MYRF: variants seen among roughly 807,000 people sequenced by gnomAD.
MYRF encodes the protein myelin gene regulatory factor.
In MYRF, 16 loss-of-function variants were observed where a neutral mutation model predicts 126.3. The observed-to-expected ratio is 0.13, with a 90% CI of 0.09 to 0.19. MYRF has a LOEUF of 0.19. Among genes scored for constraint, MYRF ranks in the 10% least tolerant of loss-of-function variants. The pLI is 1.00. For synonymous variants in MYRF, 608 were observed against 635.3 expected (o/e 0.96, Z 0.65); for missense variants, 1,104 against 1,547.0 (o/e 0.71, Z 4.80).
chr11:61,786,001 G>C lies in MYRF; in HGVS notation c.3376-62G>C. ...GGCACAGTGTCAAGCAATGTCAGCA[G>C]GGAGTGCCATCTGCCCCGCACCCCC... On this transcript the variant is annotated intron_variant, in intron 26 of 26. Coordinates refer to ENST00000278836, the MANE Select transcript of MYRF (RefSeq NM_001127392.3). The surrounding 1 kb of genome is among the most constrained non-coding windows in gnomAD (Gnocchi z 4.5). 6.4e-7 allele frequency: 1 copy of C among 1,568,422 alleles called. No homozygotes were observed. The highest frequency in any genetic ancestry group is 8.8e-7 in the Non-Finnish European group (1 of 1,138,632).
At position 61,783,383 on chromosome 11, in the gene MYRF, AT is replaced by A. The variant is rs535894612; in HGVS notation, c.3017-114del. 5.3e-5 allele frequency: 43 copies of A among 806,990 alleles called. No individual in the cohort carries two copies. The South Asian group carries it at 5.5e-4, about 10-fold the overall frequency. 50.0% of individuals were successfully genotyped at this position (806,990 alleles called of 1,614,324 possible). On this transcript the variant is annotated intron_variant, in intron 22 of 26. Transcript: ENST00000278836. This position sits in a 1 kb window ranked among gnomAD's most constrained non-coding sequence, Gnocchi z 4.6. ...GGCCATTGTGGAGGTCTGGAAAAAAATAACCTGGAACTTATTCATACTAAGG... is the reference window on the plus strand; with the variant it reads ...GGCCATTGTGGAGGTCTGGAAAAAAAAACCTGGAACTTATTCATACTAAGG...
chr11:61,777,987 C>T lies in MYRF; in HGVS notation c.1903+142C>T, dbSNP rs1483050346. On this transcript the variant is annotated intron_variant, in intron 13 of 26. Coordinates refer to ENST00000278836, the MANE Select transcript of MYRF (RefSeq NM_001127392.3). This position sits in a 1 kb window ranked among gnomAD's most constrained non-coding sequence, Gnocchi z 8.8. ...TGGGAATCATGCCTTCTAGAAGTCC[C>T]GCCCCTCGGACCTTGGAAAATCGCA... The T allele has an allele frequency of 2.2e-5, 15 of 689,864 alleles. No individual in the cohort carries two copies. The highest frequency in any genetic ancestry group is 7.9e-5 in the Admixed American group (3 of 37,984). 42.7% of individuals were successfully genotyped at this position (689,864 alleles called of 1,614,324 possible).
Position 61,778,564 on chromosome 11 carries a change from A to G in MYRF, c.2013+75A>G. 1.9e-6 allele frequency: 2 copies of G among 1,073,356 alleles called. No homozygotes were observed. The highest frequency in any genetic ancestry group is 2.5e-5 in the South Asian group (2 of 79,524). The allele number at this position is 1,073,356 out of a possible 1,614,324, so 66.5% of individuals were successfully genotyped here. On this transcript the variant is annotated intron_variant, in intron 14 of 26. Transcript: ENST00000278836. This position sits in a 1 kb window ranked among gnomAD's most constrained non-coding sequence, Gnocchi z 4.6. ...GCTGGGGAACACTCATCACCTCCAT[A>G]GATACTGGGGGCACTGCAAAGCAGA...
At position 61,752,807 on chromosome 11, in the gene MYRF, T is replaced by C. The variant is rs908985368; in HGVS notation, c.46+17T>C. 31 of 1,485,366 alleles carry C rather than the reference T, an allele frequency of 2.1e-5. 1 individual carries two copies. The highest frequency in any genetic ancestry group is 2.5e-5 in the Non-Finnish European group (28 of 1,123,746). The allele number at this position is 1,485,366 out of a possible 1,614,324, so 92.0% of individuals were successfully genotyped here. A position where few individuals can be genotyped will look rare whatever the true frequency, so the allele number is the denominator to read the frequency against. On this transcript the variant is annotated intron_variant, in intron 1 of 26. Transcript: ENST00000278836. ...TCTTCGAAGGTGAGAGACCGCGGGC[T>C]GGCGGCGGCGACCCTCTGGCGCTGG...
chr11:61,767,833 AAAG>A (rs2066107773), intron 3 of MYRF, among the ~76,000 whole-genome samples: 1 of 150,490 alleles, frequency 6.6e-6, no homozygotes, highest in Non-Finnish European at 1.5e-5. Flanking sequence ...AAAAAAAAAA[AAAG>A]GCCAGGTGCG....
chr11:61,769,237 GC>G, intron 3 of MYRF, 22 bp from the exon 4 acceptor site: 1 of 1,529,376 alleles, frequency 6.5e-7, no homozygotes, highest in Non-Finnish European at 8.9e-7. Flanking sequence ...TCACCCCCCG[GC>G]CCCTTCCCCT....
At position 61,779,177 on chromosome 11, in the gene MYRF, C is replaced by A. The variant is rs1039255686; in HGVS notation, c.2014-86C>A. On this transcript the variant is annotated intron_variant, in intron 14 of 26. Coordinates refer to ENST00000278836, the MANE Select transcript of MYRF (RefSeq NM_001127392.3). ...CAAGGACAGTGGCCGCCCCTCCTGC[C>A]CCCTGATGTCTGGCAGCCTGGGGCT... 10 of 1,413,804 alleles carry A rather than the reference C, an allele frequency of 7.1e-6. No individual in the cohort carries two copies. The African/African-American group carries it at 1.4e-4, about 20-fold the overall frequency. The allele number at this position is 1,413,804 out of a possible 1,614,324, so 87.6% of individuals were successfully genotyped here.
chr11:61,787,219 A>T lies in MYRF; in HGVS notation c.*1076A>T, dbSNP rs1398889545. 3 of 152,526 alleles carry T rather than the reference A, an allele frequency of 2.0e-5. No homozygotes were observed. Among genetic ancestry groups the T allele is most frequent in the African/African-American group, 7.2e-5 (3 of 41,442 alleles). The allele number at this position is 152,526 out of a possible 1,614,324, so 9.4% of individuals were successfully genotyped here. ...CAGAGTGGGCCAGAGCAGGGGTGTG[A>T]CACTTGCAAAGACAGGGCTCTGACT... On this transcript the variant is annotated 3_prime_UTR_variant, in exon 27 of 27. Transcript: ENST00000278836.
rs570380819 is a variant in MYRF at position 61,767,414 on chromosome 11, A to G, written c.398+1193A>G. ...TGGCCACTGCTACCGTCAGGATTTT[A>G]ATGGCACACTGAGGCTCAGAGAGGG... On this transcript the variant is annotated intron_variant, in intron 3 of 26. Transcript: ENST00000278836. The G allele has an allele frequency of 6.6e-6, 3 of 456,550 alleles. No individual in the cohort carries two copies. The East Asian group carries it at 2.1e-4, about 32-fold the overall frequency. 28.3% of individuals were successfully genotyped at this position (456,550 alleles called of 1,614,324 possible).
At chr11:61,784,185 T>C in intron 24 of MYRF, 95 bp from the exon 25 acceptor site, 3 of 1,205,522 alleles carry the variant, frequency 2.5e-6, no homozygotes, top group Non-Finnish European at 3.6e-6. Flanking sequence ...TCAGGCTGGG[T>C]GGAGATTCAG....
rs1297768499 is a variant in MYRF at position 61,787,532 on chromosome 11, GGGAGGCCTTTCTATAGT to G, written c.*1401_*1417del. The G allele has an allele frequency of 2.6e-5, 4 of 152,724 alleles. No individual in the cohort carries two copies. The highest frequency in any genetic ancestry group is 3.8e-4 in the East Asian group (2 of 5,324). The allele number at this position is 152,724 out of a possible 1,614,324, so 9.5% of individuals were successfully genotyped here. A position where few individuals can be genotyped will look rare whatever the true frequency, so the allele number is the denominator to read the frequency against. On this transcript the variant is annotated 3_prime_UTR_variant, in exon 27 of 27. Transcript: ENST00000278836. ...CCACCACTCATTCTCAGCTTTGAAT[GGGAGGCCTTTCTATAGT>G]GGAGGCCTTTCCTTGAAGCCTATGA...
In MYRF at chr11:61,766,102, G is replaced by A. The variant is rs540094143; in HGVS notation, c.279G>A (p.Pro93=). 3.4e-5 allele frequency: 54 copies of A among 1,607,228 alleles called. 1 individual carries two copies. The highest frequency in any genetic ancestry group is 3.1e-4 in the South Asian group (28 of 91,030). The change falls in exon 3 of 27, where the codon CCG becomes CCA. Residue 93 remains proline (P), a synonymous_variant. Coordinates refer to ENST00000278836, the MANE Select transcript of MYRF (RefSeq NM_001127392.3). ...GGCGCCATGGTCCCCTCCCACCCCC[G>A]GGCTACGGCACCCCGCTGAACTGCA... ...SPGRHGPLPP[P]GYGTPLNCNN...
chr11:61,775,086 G>T (rs1041544261), intron 8 of MYRF, among the ~76,000 whole-genome samples: 1 of 152,102 alleles, frequency 6.6e-6, no homozygotes, highest in Non-Finnish European at 1.5e-5. Context: ...TACCTGGTCC[G>T]GTCCTCGCCT....
At chr11:61,772,759 C>T (rs754443031) in intron 7 of MYRF, among the ~76,000 whole-genome samples, 7 of 152,254 alleles carry the variant, frequency 4.6e-5, no homozygotes, top group Admixed American at 4.6e-4. Context: ...GCTGCAGCCC[C>T]GGAAGTGGCC....
chr11:61,769,307 C>T lies in MYRF; in HGVS notation c.446C>T (p.Pro149Leu). The change falls in exon 4 of 27, where the codon CCC becomes CTC. Residue 149 changes from proline to leucine, a missense_variant. Physicochemically the swap from Pro to Leu is moderately conservative, Grantham distance 98. Coordinates refer to ENST00000278836, the MANE Select transcript of MYRF (RefSeq NM_001127392.3). ...PPDSGSEAYS[P>L]QQVNEPHLLR... ...GACTCGGGCTCCGAGGCCTACTCCC[C>T]CCAGCAGGTGAATGGTGAGTCCAGC... is the stretch of plus-strand genomic sequence containing the variant. 6.2e-7 allele frequency: 1 copy of T among 1,610,380 alleles called. No homozygotes were observed. Among genetic ancestry groups the T allele is most frequent in the Non-Finnish European group, 8.5e-7 (1 of 1,178,880 alleles).
In MYRF at chr11:61,786,056, C is replaced by T. The variant is rs534197816; in HGVS notation, c.3376-7C>T. ...CCACCTCACCTTCCCACTGCCCTTC[C>T]ACCCAGGGTCAGGCCAACTGCAGTT... On this transcript the variant is annotated splice_polypyrimidine_tract_variant and splice_region_variant and intron_variant, in intron 26 of 26. Coordinates refer to ENST00000278836, the MANE Select transcript of MYRF (RefSeq NM_001127392.3). The surrounding 1 kb of genome is among the most constrained non-coding windows in gnomAD (Gnocchi z 4.5). 1 of 1,614,032 alleles carries T rather than the reference C, an allele frequency of 6.2e-7. No homozygotes were observed. The highest frequency in any genetic ancestry group is 8.5e-7 in the Non-Finnish European group (1 of 1,179,976).
intron 1 of MYRF, among the ~76,000 whole-genome samples, chr11:61,762,232 A>G (rs543022473): frequency 1.3e-5 from 2 of 151,570 alleles, no homozygotes; most frequent in East Asian, 3.9e-4. Flanking sequence ...GGAAGGAGAA[A>G]AGGCTGTCGG....
At chr11:61,765,890 A>AG in intron 2 of MYRF, 68 bp from the exon 3 acceptor site, 2 of 1,458,396 alleles carry the variant, frequency 1.4e-6, no homozygotes, top group Non-Finnish European at 1.8e-6. Context: ...CCCTGCAGGG[A>AG]GGGGGCGGCT....
In MYRF at chr11:61,757,050, G is replaced by A; in HGVS notation, c.46+4260G>A. 1 of 404,640 alleles carries A rather than the reference G, an allele frequency of 2.5e-6. No individual in the cohort carries two copies. The allele number at this position is 404,640 out of a possible 1,614,324, so 25.1% of individuals were successfully genotyped here. ...AATTATTAACTGAATCATTAACTGG[G>A]TGGCCCCGCCCTACCCAGGCAGCCT... On this transcript the variant is annotated intron_variant, in intron 1 of 26. Coordinates refer to ENST00000278836, the MANE Select transcript of MYRF (RefSeq NM_001127392.3). This position sits in a 1 kb window ranked among gnomAD's most constrained non-coding sequence, Gnocchi z 4.7.
Sources: allele counts gnomAD v4.1 joint callset (sites outside exome capture counted in the v4.1 genomes callset), GRCh38; gene constraint gnomAD v4.1.1; non-coding constraint Gnocchi (gnomAD v3.1); transcripts MANE v1.5; gene names NCBI Gene and HGNC (gene_info 2026-07-23, HGNC 2026-07-21).